CMSS1: variants seen among roughly 807,000 people sequenced by gnomAD.
The protein encoded by CMSS1 is cms1 ribosomal small subunit homolog.
A neutral mutation model predicts 43.5 loss-of-function variants in CMSS1; 33 were observed. The ratio of observed to expected loss-of-function variants is 0.76; its 90% CI spans 0.57 to 1.01. CMSS1 has a LOEUF of 1.01. Ranked by LOEUF, CMSS1 falls within the 50% of genes least tolerant of loss-of-function variation. The pLI is 0.00. For missense variants in CMSS1, 313 were observed against 326.4 expected (o/e 0.96, Z 0.32); for synonymous variants, 115 against 117.2 (o/e 0.98, Z 0.12).
intron 2 of CMSS1, among the ~76,000 whole-genome samples, chr3:100,157,218 T>G (rs1356395956): frequency 1.3e-5 from 2 of 152,234 alleles, no homozygotes; most frequent in Non-Finnish European, 2.9e-5. Flanking sequence ...CGTTTATTTT[T>G]ATTCCACATT....
chr3:100,139,762 A>T (rs957702202), intron 1 of CMSS1, among the ~76,000 whole-genome samples: 3 of 144,280 alleles, frequency 2.1e-5, no homozygotes, highest in African/African-American at 7.8e-5. Flanking sequence ...GCGCCATTGC[A>T]CTCCAGCCTG....
intron 1 of CMSS1, chr3:99,850,812 T>C (rs772826886): frequency 6.2e-7 from 1 of 1,614,222 alleles, no homozygotes; most frequent in Non-Finnish European, 8.5e-7. Flanking sequence ...CTAGTCTGGT[T>C]GCCTTCTGCT....
intron 1 of CMSS1, among the ~76,000 whole-genome samples, chr3:100,139,531 G>GTA (rs2066785470): frequency 2.8e-5 from 1 of 35,800 alleles, no homozygotes; most frequent in Non-Finnish European, 7.4e-5. Flanking sequence ...AAAAAAAAAT[G>GTA]TGTGTGTGTG....
chr3:99,945,231 G>A (rs1024525343), intron 1 of CMSS1, among the ~76,000 whole-genome samples: 3 of 152,124 alleles, frequency 2.0e-5, no homozygotes, highest in African/African-American at 7.2e-5. Flanking sequence ...TCTAAGAAGG[G>A]CCATCTCCAC....
intron 1 of CMSS1, among the ~76,000 whole-genome samples, chr3:99,978,423 T>C (rs1709029425): frequency 3.9e-5 from 6 of 152,060 alleles, no homozygotes. Flanking sequence ...GAAAATGTGG[T>C]ATATCTACAC....
At chr3:99,956,752 T>C (rs2107695980) in intron 1 of CMSS1, among the ~76,000 whole-genome samples, 1 of 152,330 alleles carries the variant, frequency 6.6e-6, no homozygotes, top group African/African-American at 2.4e-5. Flanking sequence ...TTGGTTCTTT[T>C]TCCACAACTT....
intron 1 of CMSS1, among the ~76,000 whole-genome samples, chr3:99,840,221 C>CTTTTTTTTTTTTTTTTTTTT: frequency 9.8e-6 from 1 of 102,144 alleles, no homozygotes; most frequent in Non-Finnish European, 1.9e-5. Flanking sequence ...TTCGTAGAAT[C>CTTTTTTTTTTTTTTTTTTTT]TTTTTTTTTT....
chr3:99,985,594 C>CT (rs759661932), intron 1 of CMSS1, among the ~76,000 whole-genome samples: 13,426 of 145,632 alleles, frequency 0.092, 684 homozygotes, highest in Admixed American at 0.12. Flanking sequence ...ATGAGAAAAG[C>CT]TTTTTTTTTT....
intron 1 of CMSS1, among the ~76,000 whole-genome samples, chr3:99,890,978 A>AG (rs895441868): frequency 3.6e-4 from 55 of 152,202 alleles, no homozygotes; most frequent in African/African-American, 1.3e-3. Context: ...CAAATGCCAA[A>AG]GGGGTATTTT....
intron 7 of CMSS1, 84 bp downstream of exon 7, chr3:100,171,983 G>A (rs1487426188): frequency 2.0e-6 from 2 of 1,021,634 alleles, no homozygotes; most frequent in East Asian, 2.4e-5. Context: ...AATCTCCTTA[G>A]CACATATTTT....
At chr3:100,105,465 T>C (rs2066379115) in intron 1 of CMSS1, among the ~76,000 whole-genome samples, 1 of 152,196 alleles carries the variant, frequency 6.6e-6, no homozygotes, top group Non-Finnish European at 1.5e-5. Flanking sequence ...AGACTGCTAT[T>C]AAAATGTTAA....
chr3:99,857,515 C>A (rs756730703), intron 1 of CMSS1, among the ~76,000 whole-genome samples: 2 of 152,176 alleles, frequency 1.3e-5, no homozygotes, highest in Non-Finnish European at 2.9e-5. Context: ...ATCTACTGGA[C>A]AAATATGTTT....
chr3:100,009,338 G>A (rs1345621088), intron 1 of CMSS1, among the ~76,000 whole-genome samples: 2 of 152,178 alleles, frequency 1.3e-5, no homozygotes, highest in South Asian at 4.1e-4. Flanking sequence ...CACTGAGGGA[G>A]TTAGAGTTCG....
At chr3:99,894,937 A>G (rs981446425) in intron 1 of CMSS1, among the ~76,000 whole-genome samples, 1 of 152,202 alleles carries the variant, frequency 6.6e-6, no homozygotes, top group Non-Finnish European at 1.5e-5. Flanking sequence ...TATGTGTTAC[A>G]CGAAACATGA....
intron 1 of CMSS1, among the ~76,000 whole-genome samples, chr3:99,973,660 T>C (rs945391411): frequency 1.3e-5 from 2 of 152,178 alleles, no homozygotes; most frequent in African/African-American, 4.8e-5. Flanking sequence ...ACCACTTCTG[T>C]AAGAAGAATA....
At chr3:99,975,314 G>C (rs1042009082) in intron 1 of CMSS1, among the ~76,000 whole-genome samples, 13 of 152,186 alleles carry the variant, frequency 8.5e-5, no homozygotes, top group African/African-American at 3.1e-4. Context: ...CAATGACCAG[G>C]AGAGACACAG....
At chr3:100,133,958 T>C (rs948362166) in intron 1 of CMSS1, among the ~76,000 whole-genome samples, 7 of 152,182 alleles carry the variant, frequency 4.6e-5, no homozygotes, top group African/African-American at 1.7e-4. Context: ...GGATACATTA[T>C]GTATTAATAG....
chr3:99,899,909 G>A (rs892084438), intron 1 of CMSS1, among the ~76,000 whole-genome samples: 1 of 152,072 alleles, frequency 6.6e-6, no homozygotes, highest in East Asian at 1.9e-4. Context: ...TTAGAGTAGG[G>A]CTTAACTAGT....
rs1167009884 is a variant in CMSS1 at position 100,108,164 on chromosome 3, G to A, written c.65-38809G>A. 2.0e-5 allele frequency among the ~76,000 whole-genome samples: 3 copies of A among 152,224 alleles called. No homozygotes were observed. The East Asian group carries it at 5.8e-4, about 29-fold the overall frequency. ...TTATAGATGACATTTCTAGCCCATGGCTTCTTAATTCGGTCCAGGGAATCC... is the reference window on the plus strand; with the variant it reads ...TTATAGATGACATTTCTAGCCCATGACTTCTTAATTCGGTCCAGGGAATCC... On this transcript the variant is annotated intron_variant, in intron 1 of 9. Coordinates refer to ENST00000421999, the MANE Select transcript of CMSS1 (RefSeq NM_032359.4).
Sources: gnomAD v4.1 joint callset for allele counts (sites outside exome capture counted in the v4.1 genomes callset) on GRCh38, gnomAD v4.1.1 for gene constraint, MANE v1.5 for transcripts, NCBI Gene and HGNC (gene_info 2026-07-23, HGNC 2026-07-21) for gene names.